Variants in STOX2 observed in about 807,000 individuals in gnomAD.
The protein encoded by STOX2 is storkhead box 2, also known as storkhead-box protein 2.
In STOX2, 28 loss-of-function variants were observed where a neutral mutation model predicts 60.9. The observed-to-expected ratio is 0.46, with a 90% CI of 0.34 to 0.63. The LOEUF (loss-of-function observed/expected upper bound fraction) is 0.63. STOX2 is among the 30% of genes least tolerant of loss of function. The probability of loss-of-function intolerance (pLI) is 0.01; values close to 1 mark genes in which losing one functional copy is unlikely to be tolerated. For missense variants in STOX2, 1,024 were observed against 1,187.7 expected (o/e 0.86, Z 2.03); for synonymous variants, 472 against 463.9 (o/e 1.02, Z -0.22).
chr4:183,951,090 C>G (rs1743064633), intron 1 of STOX2, among the ~76,000 whole-genome samples: 1 of 151,722 alleles, frequency 6.6e-6, no homozygotes, highest in South Asian at 2.1e-4. Context: ...GTGGCGGGCG[C>G]CTGTAGTCCC....
intron 1 of STOX2, among the ~76,000 whole-genome samples, chr4:183,846,811 A>G (rs1050397578): frequency 4.6e-5 from 7 of 151,774 alleles, no homozygotes; most frequent in African/African-American, 1.7e-4. Context: ...CGTGGGTCAT[A>G]CTTTCTTGCA....
chr4:183,981,985 C>T (rs1732673049), intron 1 of STOX2, among the ~76,000 whole-genome samples: 1 of 152,210 alleles, frequency 6.6e-6, no homozygotes, highest in South Asian at 2.1e-4. Context: ...AAAAGCCTTA[C>T]AGTTGACTTT....
At chr4:183,798,617 G>A (rs1738689225) in intron 1 of STOX2, 7 of 985,302 alleles carry the variant, frequency 7.1e-6, no homozygotes, top group South Asian at 4.7e-5. Context: ...AGGCTGCAGA[G>A]TTCGTCTTAA....
chr4:183,809,622 T>C (rs11941863), intron 1 of STOX2, among the ~76,000 whole-genome samples: 43,047 of 151,848 alleles, frequency 0.28, 7,110 homozygotes, highest in African/African-American at 0.47. Flanking sequence ...TGGTCTCGAT[T>C]TCCTGACCTC....
At chr4:183,855,297 A>G (rs1318889260) in intron 1 of STOX2, among the ~76,000 whole-genome samples, 1 of 152,208 alleles carries the variant, frequency 6.6e-6, no homozygotes, top group Non-Finnish European at 1.5e-5. Context: ...AGGGCAGCCC[A>G]TGCCGTTTTT....
intron 1 of STOX2, among the ~76,000 whole-genome samples, chr4:183,816,554 T>C (rs987218818): frequency 1.3e-4 from 20 of 152,156 alleles, no homozygotes; most frequent in Non-Finnish European, 1.6e-4. Flanking sequence ...CTGTATTCAC[T>C]ATTTGGGTGA....
intron 1 of STOX2, among the ~76,000 whole-genome samples, chr4:183,859,164 C>T (rs908458505): frequency 1.3e-5 from 2 of 152,170 alleles, no homozygotes; most frequent in Non-Finnish European, 2.9e-5. Context: ...CCTGGGATCC[C>T]ACGGTGCCTT....
intron 1 of STOX2, among the ~76,000 whole-genome samples, chr4:183,943,262 C>G (rs192828808): frequency 6.6e-6 from 1 of 152,206 alleles, no homozygotes; most frequent in East Asian, 1.9e-4. Flanking sequence ...ATAAACTTAA[C>G]TAAAGCAGAG....
Position 184,000,064 on chromosome 4 carries a change from A to G in STOX2, c.167-1261A>G, listed in dbSNP as rs141247746. ...ATGTTCTACTGTGTTGATAGTTTGC[A>G]TCCTCCTCGTGTAGGACATCTTTTC... On this transcript the variant is annotated intron_variant, in intron 1 of 3. Transcript: ENST00000308497. 2.8e-3 allele frequency among the ~76,000 whole-genome samples: 430 copies of G among 152,320 alleles called. 3 individuals are homozygous for G. Among genetic ancestry groups the G allele is most frequent in the African/African-American group, 9.8e-3 (407 of 41,570 alleles).
chr4:183,814,258 G>A lies in STOX2; in HGVS notation c.364+16203G>A, dbSNP rs577152381. On this transcript the variant is annotated intron_variant, in intron 1 of 2. Transcript: ENST00000513034. ...TAGAAAAGTGCTTATGATATATAAT[G>A]TCACTTAGAAACACATGGAATATTT... 4.6e-5 allele frequency among the ~76,000 whole-genome samples: 7 copies of A among 152,276 alleles called. No homozygotes were observed. In the East Asian group the frequency reaches 1.2e-3, roughly 25 times the overall value.
chr4:183,933,511 C>T (rs1315591785), intron 1 of STOX2, among the ~76,000 whole-genome samples: 1 of 152,148 alleles, frequency 6.6e-6, no homozygotes, highest in Non-Finnish European at 1.5e-5. Context: ...GCCTCAGCCT[C>T]CTGAGTAGCT....
upstream of STOX2, chr4:183,905,301 T>C (rs561540380): frequency 5.3e-5 from 8 of 152,348 alleles, no homozygotes; most frequent in Non-Finnish European, 1.0e-4. Context: ...GATTGGTTGT[T>C]GGACCAGAAA....
At chr4:183,913,341 A>C (rs1741836695) in intron 1 of STOX2, among the ~76,000 whole-genome samples, 1 of 152,150 alleles carries the variant, frequency 6.6e-6, no homozygotes, top group Non-Finnish European at 1.5e-5. Flanking sequence ...GAAATGGTGG[A>C]AGCAGCCTTT....
At chr4:183,942,131 G>A (rs1742769294) in intron 1 of STOX2, among the ~76,000 whole-genome samples, 1 of 152,150 alleles carries the variant, frequency 6.6e-6, no homozygotes, top group South Asian at 2.1e-4. Flanking sequence ...TAATTTTAAT[G>A]TTAACAGCTC....
intron 1 of STOX2, among the ~76,000 whole-genome samples, chr4:183,969,210 G>T (rs73008331): frequency 6.6e-6 from 1 of 152,124 alleles, no homozygotes. Context: ...ATCAGTGTAC[G>T]TGTTACATGA....
chr4:184,005,474 A>AAAAAAAAAAAAAAAC (rs58443213), intron 2 of STOX2, among the ~76,000 whole-genome samples: 6 of 120,072 alleles, frequency 5.0e-5, no homozygotes, highest in Non-Finnish European at 8.7e-5. Context: ...AAAAAAAAAA[A>AAAAAAAAAAAAAAAC]AATTCATAGG....
At chr4:184,004,877 C>A (rs544354597) in intron 2 of STOX2, among the ~76,000 whole-genome samples, 38 of 152,300 alleles carry the variant, frequency 2.5e-4, no homozygotes, top group Non-Finnish European at 4.9e-4. Flanking sequence ...CTGAATCTTT[C>A]TGGGAGGAAG....
At chr4:183,877,556 A>G (rs1560859377) in intron 1 of STOX2, among the ~76,000 whole-genome samples, 1 of 152,210 alleles carries the variant, frequency 6.6e-6, no homozygotes, top group Non-Finnish European at 1.5e-5. Context: ...CATGCTCTGT[A>G]TGCGTGCTCT....
At chr4:183,946,871 C>A (rs1160162219) in intron 1 of STOX2, among the ~76,000 whole-genome samples, 1 of 152,144 alleles carries the variant, frequency 6.6e-6, no homozygotes, top group Non-Finnish European at 1.5e-5. Context: ...GTGATCCACC[C>A]CCTCCTTGGC....
Sources: gnomAD v4.1 joint callset for allele counts (sites outside exome capture counted in the v4.1 genomes callset) on GRCh38, gnomAD v4.1.1 for gene constraint, MANE v1.5 for transcripts, NCBI Gene and HGNC (gene_info 2026-07-23, HGNC 2026-07-21) for gene names.